Variants in MFSD8 observed in about 807,000 individuals in gnomAD.
The protein encoded by MFSD8 is major facilitator superfamily domain containing 8, also known as major facilitator superfamily domain-containing protein 8.
In MFSD8, 55 loss-of-function variants were observed where a neutral mutation model predicts 66.4. That is an observed-to-expected ratio of 0.83 (90% CI 0.67 to 1.04). The LOEUF (loss-of-function observed/expected upper bound fraction) is 1.04. Among genes scored for constraint, MFSD8 ranks in the 50% least tolerant of loss-of-function variants. The pLI, the probability that MFSD8 is intolerant of heterozygous loss-of-function variation, is 0.00. For missense variants in MFSD8, 550 were observed against 627.6 expected (o/e 0.88, Z 1.32); for synonymous variants, 202 against 212.8 (o/e 0.95, Z 0.44).
chr4:127,919,539 G>A lies in MFSD8; in HGVS notation c.*1091C>T, dbSNP rs1001155379. On this transcript the variant is annotated 3_prime_UTR_variant, in exon 12 of 12. Transcript: ENST00000641686. ...GAAGTTAAACATACAGTGTTATTTA[G>A]CCAACTTCAGGTAAACTCAGTAAAT... 1 of 152,110 alleles carries A rather than the reference G, an allele frequency of 6.6e-6. No individual in the cohort carries two copies. The highest frequency in any genetic ancestry group is 1.5e-5 in the Non-Finnish European group (1 of 68,030). 9.4% of individuals were successfully genotyped at this position (152,110 alleles called of 1,614,324 possible).
At chr4:127,952,212 T>C (rs1308072895) in intron 2 of MFSD8, among the ~76,000 whole-genome samples, 2 of 151,234 alleles carry the variant, frequency 1.3e-5, no homozygotes, top group East Asian at 2.0e-4. Flanking sequence ...GAGCCCATCC[T>C]GGCTAACACA....
At chr4:127,930,953 C>A in intron 8 of MFSD8, 136 bp from the exon 9 acceptor site, 1 of 809,420 alleles carries the variant, frequency 1.2e-6, no homozygotes, top group Non-Finnish European at 1.8e-6. Flanking sequence ...CAGACCTAAG[C>A]AAAAGTTTGA....
At position 127,919,587 on chromosome 4, in the gene MFSD8, C is replaced by T. The variant is rs1003765296; in HGVS notation, c.*1043G>A. 3 of 152,000 alleles carry T rather than the reference C, an allele frequency of 2.0e-5. No homozygotes were observed. The highest frequency in any genetic ancestry group is 7.3e-5 in the African/African-American group (3 of 41,366). The allele number at this position is 152,000 out of a possible 1,614,324, so 9.4% of individuals were successfully genotyped here. On this transcript the variant is annotated 3_prime_UTR_variant, in exon 12 of 12. Transcript: ENST00000641686. ...AATTGTTAGATTAAAGCCATTTTGC[C>T]TCAAATACTTATTAGCCTGACTAGT...
intron 7 of MFSD8, among the ~76,000 whole-genome samples, chr4:127,938,570 G>A (rs1373716898): frequency 2.2e-5 from 3 of 139,142 alleles, no homozygotes; most frequent in Non-Finnish European, 3.0e-5. Flanking sequence ...GCGACAGAGC[G>A]AAACTCTGTC....
chr4:127,925,578 G>A (rs1240886760), intron 9 of MFSD8, among the ~76,000 whole-genome samples: 1 of 152,204 alleles, frequency 6.6e-6, no homozygotes, highest in Non-Finnish European at 1.5e-5. Flanking sequence ...TCATTAAAAA[G>A]TCGGGGAACA....
intron 9 of MFSD8, among the ~76,000 whole-genome samples, chr4:127,925,215 T>C (rs1243979895): frequency 2.0e-5 from 3 of 152,072 alleles, no homozygotes; most frequent in Non-Finnish European, 2.9e-5. Context: ...CCAAAAGCAA[T>C]GGCAACAAAA....
chr4:127,930,972 T>C (rs999145432), intron 8 of MFSD8, among the ~76,000 whole-genome samples, 155 bp from the exon 9 acceptor site: 4 of 152,212 alleles, frequency 2.6e-5, no homozygotes, highest in African/African-American at 9.6e-5. Context: ...GAACACATTT[T>C]AAGCGTTTGT....
In MFSD8 at chr4:127,933,128, T is replaced by C. The variant is rs370428607; in HGVS notation, c.755-35A>G. 32 of 1,492,458 alleles carry C rather than the reference T, an allele frequency of 2.1e-5. No individual in the cohort carries two copies. In the African/African-American group the frequency reaches 2.8e-4, roughly 13 times the overall value. 92.5% of individuals were successfully genotyped at this position (1,492,458 alleles called of 1,614,324 possible). A position where few individuals can be genotyped will look rare whatever the true frequency, so the allele number is the denominator to read the frequency against. Reference sequence around the variant, plus strand: ...AATAGGAGAAAAATTACATTACCTATACATCTAATTTTTCTTATGACATTA... The same window carrying C: ...AATAGGAGAAAAATTACATTACCTACACATCTAATTTTTCTTATGACATTA... On this transcript the variant is annotated intron_variant, in intron 7 of 11. Coordinates refer to ENST00000641686, the MANE Select transcript of MFSD8 (RefSeq NM_001371596.2).
At chr4:127,952,788 T>C (rs1412437737) in intron 2 of MFSD8, among the ~76,000 whole-genome samples, 1 of 146,972 alleles carries the variant, frequency 6.8e-6, no homozygotes, top group African/African-American at 2.5e-5. Flanking sequence ...GAGAATCGCT[T>C]GAACCCGGGA....
At chr4:127,921,275 G>T in intron 11 of MFSD8, 1 of 637,788 alleles carries the variant, frequency 1.6e-6, no homozygotes. Flanking sequence ...ATATTTGGCT[G>T]ACTCCACTGT....
intron 3 of MFSD8, among the ~76,000 whole-genome samples, chr4:127,948,788 A>G (rs1021872313): frequency 1.3e-5 from 2 of 152,182 alleles, no homozygotes; most frequent in Admixed American, 6.5e-5. Context: ...TCATCATGTG[A>G]TGCCCTACAC....
chr4:127,921,940 A>C lies in MFSD8; in HGVS notation c.1022T>G (p.Leu341Arg). The C allele has an allele frequency of 1.2e-6, 2 of 1,614,186 alleles. No homozygotes were observed. The highest frequency in any genetic ancestry group is 1.7e-6 in the Non-Finnish European group (2 of 1,180,016). The change falls in exon 10 of 12, where the codon CTG (leucine) becomes CGG (arginine). Residue 341 changes from leucine to arginine, a missense_variant. Leu to Arg is a moderately radical substitution (Grantham distance 102, BLOSUM62 -2). Coordinates refer to ENST00000641686, the MANE Select transcript of MFSD8 (RefSeq NM_001371596.2). ...AACCCATACAACGATGAGTCCTCCC[A>C]GTAGAATAGCACGCTCGCCAATCCT... ...SKKIGERAIL[L>R]GGLIVVWVGF...
chr4:127,964,704 AAGG>A, intron 1 of MFSD8: 1 of 371,602 alleles, frequency 2.7e-6, no homozygotes, highest in South Asian at 2.3e-5. Flanking sequence ...CGGTGGGCTG[AAGG>A]GCTCCTCAAG....
chr4:127,920,876 G>A, intron 11 of MFSD8, 40 bp from the exon 12 acceptor site: 2 of 1,582,988 alleles, frequency 1.3e-6, no homozygotes, highest in Non-Finnish European at 1.7e-6. Flanking sequence ...ATTGATATTG[G>A]GGTTTAGTTA....
At chr4:127,947,127 T>C (rs1741166999) in intron 3 of MFSD8, among the ~76,000 whole-genome samples, 1 of 150,226 alleles carries the variant, frequency 6.7e-6, no homozygotes, top group Non-Finnish European at 1.5e-5. Context: ...GTGCAGTGGC[T>C]CACATCTGTA....
intron 2 of MFSD8, among the ~76,000 whole-genome samples, chr4:127,955,890 G>A (rs998929913): frequency 6.0e-5 from 9 of 149,594 alleles, no homozygotes; most frequent in Middle Eastern, 7.4e-3. Context: ...AGGCTGAGGC[G>A]GGCAGATCAT....
intron 5 of MFSD8, among the ~76,000 whole-genome samples, chr4:127,940,296 G>C (rs1739948323): frequency 6.6e-6 from 1 of 151,710 alleles, no homozygotes; most frequent in Non-Finnish European, 1.5e-5. Flanking sequence ...GGCTCCTTAG[G>C]GAGACAATAA....
In MFSD8 at chr4:127,965,106, G is replaced by C; in HGVS notation, c.28C>G (p.Gln10Glu). 6.2e-7 allele frequency: 1 copy of C among 1,613,914 alleles called. No homozygotes were observed. Among genetic ancestry groups the C allele is most frequent in the Non-Finnish European group, 8.5e-7 (1 of 1,180,032 alleles). Residue 10 changes from glutamine (Q) to glutamate (E), a missense_variant, in exon 1 of 12, where the codon CAG (glutamine) becomes GAG (glutamate). Coordinates refer to ENST00000641686, the MANE Select transcript of MFSD8 (RefSeq NM_001371596.2). ...GGTGTGTCGCCTAAGAGCGGCTCCT[G>C]TTCACTTTCGTTCCGCAGGCCGGCC... MAGLRNESE[Q>E]EPLLGDTPGS...
chr4:127,953,847 A>C (rs1742440517), intron 2 of MFSD8, among the ~76,000 whole-genome samples: 1 of 152,186 alleles, frequency 6.6e-6, no homozygotes, highest in African/African-American at 2.4e-5. Flanking sequence ...AATTGTTGAA[A>C]ATATCCTTTA....
Sources: gnomAD v4.1 joint callset for allele counts (sites outside exome capture counted in the v4.1 genomes callset) on GRCh38, gnomAD v4.1.1 for gene constraint, MANE v1.5 for transcripts, NCBI Gene and HGNC (gene_info 2026-07-23, HGNC 2026-07-21) for gene names.